HP1BP3: variants seen among roughly 807,000 people sequenced by gnomAD.
HP1BP3 encodes heterochromatin protein 1 binding protein 3.
A neutral mutation model predicts 62.5 loss-of-function variants in HP1BP3; 12 were observed. The observed-to-expected ratio is 0.19, with a 90% CI of 0.12 to 0.31. The LOEUF (loss-of-function observed/expected upper bound fraction) is 0.31, where lower values mean the gene tolerates loss of function less well. Among genes scored for constraint, HP1BP3 ranks in the 10% least tolerant of loss-of-function variants. The pLI, the probability that HP1BP3 is intolerant of heterozygous loss-of-function variation, is 1.00. For missense variants in HP1BP3, 502 were observed against 651.8 expected, an observed-to-expected ratio of 0.77 and a Z score of 2.50; for synonymous variants, 260 against 237.8, an observed-to-expected ratio of 1.09 and a Z score of -0.86.
At chr1:20,772,031 G>C (rs1451356633) in intron 5 of HP1BP3, among the ~76,000 whole-genome samples, 1 of 152,208 alleles carries the variant, frequency 6.6e-6, no homozygotes, top group African/African-American at 2.4e-5. Context: ...TCAAGTCTAT[G>C]TCTCTGAACT....
intron 1 of HP1BP3, 63 bp downstream of exon 1, chr1:20,787,132 C>G (rs1311499616): frequency 6.6e-6 from 1 of 151,740 alleles, no homozygotes; most frequent in Non-Finnish European, 1.5e-5. Flanking sequence ...GCCTCCGCCA[C>G]TCGCCTTCGG....
chr1:20,786,753 C>G (rs1344910613), intron 1 of HP1BP3: 2 of 152,180 alleles, frequency 1.3e-5, no homozygotes, highest in Non-Finnish European at 2.9e-5. Flanking sequence ...CTCCGAAAAC[C>G]GCTGAGGGAG....
At chr1:20,750,072 C>T in intron 9 of HP1BP3, 190 bp from the exon 10 acceptor site, 1 of 1,153,818 alleles carries the variant, frequency 8.7e-7, no homozygotes, top group Non-Finnish European at 1.1e-6. Context: ...AGTCCCAACC[C>T]TCCTATGGAT....
intron 5 of HP1BP3, among the ~76,000 whole-genome samples, chr1:20,772,406 A>T (rs1297113574): frequency 6.6e-6 from 1 of 152,258 alleles, no homozygotes; most frequent in East Asian, 1.9e-4. Flanking sequence ...CTTCAAACCC[A>T]GGCTGAGTGG....
chr1:20,744,381 T>A lies in HP1BP3; in HGVS notation c.*416A>T, dbSNP rs2055184306. ...CTTTACAACTCAGTCAGTGCTATAT[T>A]GTGCCTCCATTTTACTTCCAGGACC... On this transcript the variant is annotated 3_prime_UTR_variant, in exon 13 of 13. Coordinates refer to ENST00000438032, the MANE Select transcript of HP1BP3 (RefSeq NM_001372052.1). 5.8e-6 allele frequency: 1 copy of A among 173,048 alleles called. No homozygotes were observed. The highest frequency in any genetic ancestry group is 5.8e-5 in the Admixed American group (1 of 17,292). 10.7% of individuals were successfully genotyped at this position (173,048 alleles called of 1,614,324 possible).
chr1:20,773,034 A>G (rs1253399060), intron 5 of HP1BP3, among the ~76,000 whole-genome samples: 2 of 152,180 alleles, frequency 1.3e-5, no homozygotes, highest in South Asian at 2.1e-4. Flanking sequence ...AAAATTCTCA[A>G]TATTTTTCAG....
At position 20,776,748 on chromosome 1, in the gene HP1BP3, G is replaced by A; in HGVS notation, c.199C>T (p.Pro67Ser). 1 of 1,606,068 alleles carries A rather than the reference G, an allele frequency of 6.2e-7. No homozygotes were observed. Among genetic ancestry groups the A allele is most frequent in the East Asian group, 2.2e-5 (1 of 44,598 alleles). Residue 67 changes from proline (P) to serine (S), a missense_variant and splice_region_variant, in exon 4 of 13, where the codon CCA becomes TCA. Coordinates refer to ENST00000438032, the MANE Select transcript of HP1BP3 (RefSeq NM_001372052.1). ...LAEGEEEKPE[P>S]DISSEESVST... ...ACAGATTCCTCTGAACTTATGTCTG[G>A]TTCTAAAAAATCAGGTGAGCAGAAT...
chr1:20,760,580 C>A (rs961067457), intron 8 of HP1BP3, among the ~76,000 whole-genome samples: 3 of 150,876 alleles, frequency 2.0e-5, no homozygotes, highest in African/African-American at 7.3e-5. Context: ...CAGTGGCTCA[C>A]GTCTGTAATC....
At chr1:20,762,780 G>A (rs145190259) in intron 8 of HP1BP3, among the ~76,000 whole-genome samples, 2 of 152,034 alleles carry the variant, frequency 1.3e-5, no homozygotes, top group African/African-American at 4.8e-5. Context: ...GTAAAACCAA[G>A]CTGTGCCCAG....
In HP1BP3 at chr1:20,785,046, C is replaced by T. The variant is rs180672576; in HGVS notation, c.-101+2149G>A. ...AGCGATCTCCTCCCACCTCAGCCAC[C>T]TGAGTAGCTGGGACTTCAGGTATGC... is the stretch of plus-strand genomic sequence containing the variant. On this transcript the variant is annotated intron_variant, in intron 1 of 12. Coordinates refer to ENST00000438032, the MANE Select transcript of HP1BP3 (RefSeq NM_001372052.1). Among the ~76,000 whole-genome samples the T allele has an allele frequency of 3.4e-3, 516 of 152,302 alleles. 3 individuals are homozygous for T. The highest frequency in any genetic ancestry group is 0.012 in the African/African-American group (503 of 41,558).
intron 1 of HP1BP3, among the ~76,000 whole-genome samples, chr1:20,784,870 GCTTAAA>G (rs2057750256): frequency 1.3e-5 from 2 of 152,162 alleles, no homozygotes; most frequent in South Asian, 4.1e-4. Flanking sequence ...ACATCAGCTT[GCTTAAA>G]CTTAATGTTA....
chr1:20,744,157 G>GA lies in HP1BP3; in HGVS notation c.*639dup, dbSNP rs1212680542. Reference sequence around the variant, plus strand: ...AGGGAATGCAATACTTTGGGCCAGTGAAAAATACCTAGAAATTGATCAATA... The same window carrying GA: ...AGGGAATGCAATACTTTGGGCCAGTGAAAAAATACCTAGAAATTGATCAATA... On this transcript the variant is annotated 3_prime_UTR_variant, in exon 13 of 13. Transcript: ENST00000438032. 6.5e-6 allele frequency: 1 copy of GA among 152,704 alleles called. No individual in the cohort carries two copies. The highest frequency in any genetic ancestry group is 2.4e-5 in the African/African-American group (1 of 41,544). The allele number at this position is 152,704 out of a possible 1,614,324, so 9.5% of individuals were successfully genotyped here.
Position 20,741,753 on chromosome 1 carries a change from A to G in HP1BP3, c.*3044T>C, listed in dbSNP as rs988554579. On this transcript the variant is annotated 3_prime_UTR_variant, in exon 13 of 13. Transcript: ENST00000438032. ...CTTGTAGGTAGTTTCAGAGTGTATG[A>G]AACACTGTAAATGAGGTCACTAAGC... 2.6e-5 allele frequency among the ~76,000 whole-genome samples: 4 copies of G among 152,218 alleles called. No individual in the cohort carries two copies. The highest frequency in any genetic ancestry group is 9.6e-5 in the African/African-American group (4 of 41,468).
intron 10 of HP1BP3, 71 bp downstream of exon 10, chr1:20,749,652 C>T (rs1198200774): frequency 5.5e-6 from 8 of 1,442,176 alleles, no homozygotes; most frequent in Non-Finnish European, 6.6e-6. Context: ...AGCCACAGTG[C>T]CTGGCCCTCC....
At chr1:20,749,552 G>T (rs1444297727) in intron 10 of HP1BP3, among the ~76,000 whole-genome samples, 171 bp downstream of exon 10, 2 of 151,698 alleles carry the variant, frequency 1.3e-5, no homozygotes, top group South Asian at 4.2e-4. Context: ...GTAGAGATGG[G>T]GTTTCACTAT....
chr1:20,785,301 G>A (rs950189684), intron 1 of HP1BP3, among the ~76,000 whole-genome samples: 1 of 152,234 alleles, frequency 6.6e-6, no homozygotes, highest in African/African-American at 2.4e-5. Flanking sequence ...TCTACATTAA[G>A]AGAAGGCTGT....
intron 8 of HP1BP3, among the ~76,000 whole-genome samples, chr1:20,757,537 A>C (rs2056196686): frequency 6.6e-6 from 1 of 151,828 alleles, no homozygotes; most frequent in African/African-American, 2.4e-5. Context: ...ACACCCGGCT[A>C]ATTTTGCATT....
Position 20,740,477 on chromosome 1 carries a change from T to C in HP1BP3, c.*4320A>G, listed in dbSNP as rs1319487677. 6.6e-6 allele frequency among the ~76,000 whole-genome samples: 1 copy of C among 152,188 alleles called. No homozygotes were observed. The highest frequency in any genetic ancestry group is 2.4e-5 in the African/African-American group (1 of 41,442). Reference sequence around the variant, plus strand: ...TTAAATCATCAAAGGTAGAAAGTTTTCCAACAGGAAAAAAGCCACTGAAGT... The same window carrying C: ...TTAAATCATCAAAGGTAGAAAGTTTCCCAACAGGAAAAAAGCCACTGAAGT... On this transcript the variant is annotated 3_prime_UTR_variant, in exon 13 of 13. Transcript: ENST00000438032.
chr1:20,787,131 A>C (rs1570706358), intron 1 of HP1BP3, 64 bp downstream of exon 1: 1 of 149,606 alleles, frequency 6.7e-6, no homozygotes, highest in African/African-American at 2.5e-5. Flanking sequence ...GGCCTCCGCC[A>C]CTCGCCTTCG....
Sources: gnomAD v4.1 joint callset for allele counts (sites outside exome capture counted in the v4.1 genomes callset) on GRCh38, gnomAD v4.1.1 for gene constraint, MANE v1.5 for transcripts, NCBI Gene and HGNC (gene_info 2026-07-23, HGNC 2026-07-21) for gene names.